RPTOR: variants seen among roughly 807,000 people sequenced by gnomAD.
RPTOR encodes the protein regulatory-associated protein of mTOR.
Under a neutral mutation model 169.9 loss-of-function variants are expected in RPTOR, and 21 were observed. The ratio of observed to expected loss-of-function variants is 0.12; its 90% confidence interval spans 0.09 to 0.18. The LOEUF is 0.18. Among genes scored for constraint, RPTOR ranks in the 10% least tolerant of loss-of-function variants. The pLI is 1.00. For missense variants in RPTOR, 1,133 were observed against 1,855.9 expected (o/e 0.61, Z 7.16); for synonymous variants, 732 against 753.2 (o/e 0.97, Z 0.46).
At chr17:80,894,114 T>TGGGAA (rs1416718071) in intron 20 of RPTOR, among the ~76,000 whole-genome samples, 4,366 of 152,322 alleles carry the variant, frequency 0.029, 134 homozygotes, top group African/African-American at 0.073. Context: ...CTGGCCAGTT[T>TGGGAA]GGCTGGGTGG....
chr17:80,767,009 T>C (rs1189438295), intron 6 of RPTOR, among the ~76,000 whole-genome samples: 2 of 152,066 alleles, frequency 1.3e-5, no homozygotes, highest in African/African-American at 2.4e-5. Context: ...TCAAGAAAAA[T>C]AGAAGGAAGA....
intron 7 of RPTOR, among the ~76,000 whole-genome samples, chr17:80,807,520 T>G (rs959649325): frequency 2.6e-5 from 4 of 152,130 alleles, no homozygotes; most frequent in Non-Finnish European, 5.9e-5. Context: ...CTGGCTAATT[T>G]TTTGTATTTT....
chr17:80,819,224 C>G (rs116591154), intron 7 of RPTOR, among the ~76,000 whole-genome samples: 1,566 of 152,212 alleles, frequency 0.01, 32 homozygotes, highest in African/African-American at 0.035. Flanking sequence ...TTTGGCAGTT[C>G]CCTGTTACTC....
chr17:80,658,455 G>C lies in RPTOR; in HGVS notation c.348+14645G>C, dbSNP rs144162213. 2.6e-3 allele frequency among the ~76,000 whole-genome samples: 393 copies of C among 152,210 alleles called. 7 individuals are homozygous for C. Among genetic ancestry groups the C allele is most frequent in the African/African-American group, 8.9e-3 (368 of 41,534 alleles). On this transcript the variant is annotated intron_variant, in intron 3 of 33. Coordinates refer to ENST00000306801, the MANE Select transcript of RPTOR (RefSeq NM_020761.3). The stretch of plus-strand genomic sequence containing the variant: ...TTTCTGTTAAAACGTCACACTGACT[G>C]TAAGTCTTAATATTGGTGCTTTGAA...
intron 1 of RPTOR, among the ~76,000 whole-genome samples, chr17:80,613,986 C>T (rs1317499074): frequency 1.3e-5 from 2 of 152,246 alleles, no homozygotes; most frequent in Non-Finnish European, 2.9e-5. Flanking sequence ...TGGCTTTCCT[C>T]CTGGTGTTGG....
rs146791340 is a variant in RPTOR at position 80,947,145 on chromosome 17, G to A, written c.3141-82G>A. The A allele has an allele frequency of 0.022, 30,203 of 1,351,532 alleles. 444 individuals are homozygous for A. The highest frequency in any genetic ancestry group is 0.049 in the Admixed American group (1,548 of 31,580). The allele number at this position is 1,351,532 out of a possible 1,614,324, so 83.7% of individuals were successfully genotyped here. On this transcript the variant is annotated intron_variant, in intron 26 of 33. Transcript: ENST00000306801. This position sits in a 1 kb window ranked among gnomAD's most constrained non-coding sequence, Gnocchi z 4.4. ...GTGTGTGGTTTTTTGATAGCAGCCC[G>A]GTGGGTTTCAGGAGGTATCTCACTG...
intron 1 of RPTOR, among the ~76,000 whole-genome samples, chr17:80,548,809 C>T (rs1027106575): frequency 6.6e-6 from 1 of 152,182 alleles, no homozygotes; most frequent in South Asian, 2.1e-4. Flanking sequence ...AATGTGTGGG[C>T]GTGGTTGTTC....
Position 80,665,331 on chromosome 17 carries a change from C to CTTTTT in RPTOR, c.348+21521_348+21522insTTTTT, listed in dbSNP as rs146657502. Reference sequence around the variant, plus strand: ...TGAGAAAATTTTTTTCTTTTCTTTTCCCTTTCCTTTCCTTTCCTTTCCTTT... The same window carrying CTTTTT: ...TGAGAAAATTTTTTTCTTTTCTTTTCTTTTTCCTTTCCTTTCCTTTCCTTTCCTTT... On this transcript the variant is annotated intron_variant, in intron 3 of 33. Transcript: ENST00000306801. 4.7e-4 allele frequency among the ~76,000 whole-genome samples: 49 copies of CTTTTT among 104,196 alleles called. 2 individuals carry two copies. The highest frequency in any genetic ancestry group is 1.8e-3 in the East Asian group (7 of 4,000). The allele number at this position is 104,196 out of a possible 152,430, so 68.4% of individuals were successfully genotyped here.
At chr17:80,666,329 G>C (rs764338628) in intron 3 of RPTOR, among the ~76,000 whole-genome samples, 1 of 151,908 alleles carries the variant, frequency 6.6e-6, no homozygotes, top group African/African-American at 2.4e-5. Context: ...CCTCTCCCTC[G>C]ATCAAGCCTG....
rs761936522 is a variant in RPTOR, at chr17:80,695,477, A to G, written c.349-12364A>G. On this transcript the variant is annotated intron_variant, in intron 3 of 33. Transcript: ENST00000306801. The surrounding 1 kb of genome is among the most constrained non-coding windows in gnomAD (Gnocchi z 4.9). Reference sequence around the variant, plus strand: ...ACAGTGGCCTCTGTTACAGAGGGGCAGGTGGGTGGCTCACGTGTGGGCTCA... The same window carrying G: ...ACAGTGGCCTCTGTTACAGAGGGGCGGGTGGGTGGCTCACGTGTGGGCTCA... Among the ~76,000 whole-genome samples, 10 of 152,126 alleles carry G rather than the reference A, an allele frequency of 6.6e-5. No homozygotes were observed. The highest frequency in any genetic ancestry group is 1.2e-4 in the African/African-American group (5 of 41,442).
chr17:80,564,172 C>T (rs1323122080), intron 1 of RPTOR, among the ~76,000 whole-genome samples: 1 of 151,938 alleles, frequency 6.6e-6, no homozygotes, highest in African/African-American at 2.4e-5. Flanking sequence ...ACGTCATTCT[C>T]CTGCCTCAGC....
At chr17:80,846,991 G>A (rs1198400537) in intron 11 of RPTOR, among the ~76,000 whole-genome samples, 2 of 152,242 alleles carry the variant, frequency 1.3e-5, no homozygotes, top group Admixed American at 1.3e-4. Context: ...TCCTTCTCTT[G>A]GGAAGGACAG....
chr17:80,848,199 C>T (rs1341769393), intron 11 of RPTOR, among the ~76,000 whole-genome samples: 1 of 152,228 alleles, frequency 6.6e-6, no homozygotes, highest in African/African-American at 2.4e-5. Context: ...ATCCCAGCTC[C>T]TCAGTAGGCC....
intron 3 of RPTOR, among the ~76,000 whole-genome samples, chr17:80,673,954 G>C (rs1361617633): frequency 1.3e-5 from 2 of 152,226 alleles, no homozygotes; most frequent in Non-Finnish European, 2.9e-5. Context: ...CTTGCAAATT[G>C]GTGTGGTTGG....
In RPTOR at chr17:80,962,489, C is replaced by A. The variant is rs1216290585; in HGVS notation, c.3721C>A (p.Pro1241Thr). The A allele has an allele frequency of 2.5e-6, 4 of 1,613,830 alleles. No individual in the cohort carries two copies. Among genetic ancestry groups the A allele is most frequent in the Non-Finnish European group, 3.4e-6 (4 of 1,179,944 alleles). The change falls in exon 32 of 34, where the codon CCC (proline) becomes ACC (threonine). Residue 1241 changes from proline to threonine, a missense_variant. Physicochemically the swap from Pro to Thr is conservative, Grantham distance 38. This residue lies in a region of RPTOR where 410 missense variants were observed against 623.7 expected (regional missense o/e 0.66). Transcript: ENST00000306801. Reference sequence around the variant, plus strand: ...CAATGGAGATGTGCGCATCTTTGATCCCCGGATGCCTGAGTCGGTAAATGT... The same window carrying A: ...CAATGGAGATGTGCGCATCTTTGATACCCGGATGCCTGAGTCGGTAAATGT... ...SVNGDVRIFDPRMPESVNVLQ... is the reference protein window; with the variant it reads ...SVNGDVRIFDTRMPESVNVLQ...
chr17:80,634,573 G>GTGTGTGTGCGTAC (rs2065481287), intron 2 of RPTOR, among the ~76,000 whole-genome samples: 1 of 121,444 alleles, frequency 8.2e-6, no homozygotes, highest in Non-Finnish European at 1.7e-5. Context: ...TGTGCATACT[G>GTGTGTGTGCGTAC]TGTGTGTGTG....
At chr17:80,623,526 C>T (rs2065370681) in intron 1 of RPTOR, among the ~76,000 whole-genome samples, 1 of 151,946 alleles carries the variant, frequency 6.6e-6, no homozygotes. Context: ...AAATATTTAT[C>T]GTTTTCTTTT....
rs2066289820 is a variant in RPTOR at position 80,721,876 on chromosome 17, A to C, written c.508-8684A>C. On this transcript the variant is annotated intron_variant, in intron 4 of 33. Coordinates refer to ENST00000306801, the MANE Select transcript of RPTOR (RefSeq NM_020761.3). This position sits in a 1 kb window ranked among gnomAD's most constrained non-coding sequence, Gnocchi z 4.7. ...ATTATCCAATTTGGTATATATATATATATTTCAGGTTTTTATGAAGCTAAG... is the reference window on the plus strand; with the variant it reads ...ATTATCCAATTTGGTATATATATATCTATTTCAGGTTTTTATGAAGCTAAG... 6.6e-6 allele frequency among the ~76,000 whole-genome samples: 1 copy of C among 150,884 alleles called. No homozygotes were observed. The highest frequency in any genetic ancestry group is 1.5e-5 in the Non-Finnish European group (1 of 67,990).
At chr17:80,896,552 GACACCCCACACAGCCGCGC>G (rs2068407443) in intron 20 of RPTOR, among the ~76,000 whole-genome samples, 1 of 13,094 alleles carries the variant, frequency 7.6e-5, no homozygotes, top group Admixed American at 1.2e-3. Context: ...CGGCCGCGCC[GACACCCCACACAGCCGCGC>G]CGACACCCCA....
Sources: allele counts gnomAD v4.1 joint callset (sites outside exome capture counted in the v4.1 genomes callset), GRCh38; gene constraint gnomAD v4.1.1; regional missense constraint gnomAD v4.1.1; non-coding constraint Gnocchi (gnomAD v3.1); transcripts MANE v1.5; gene names NCBI Gene and HGNC (gene_info 2026-07-23, HGNC 2026-07-21).